Variants in HS6ST3 observed in about 807,000 individuals in gnomAD.
HS6ST3 encodes the protein heparan sulfate 6-O-sulfotransferase 3, also known as heparan-sulfate 6-O-sulfotransferase 3.
Under a neutral mutation model 36.7 loss-of-function variants are expected in HS6ST3, and 12 were observed. The ratio of observed to expected loss-of-function variants is 0.33; its 90% CI spans 0.21 to 0.53. The LOEUF (loss-of-function observed/expected upper bound fraction) is 0.53, where lower values mean the gene tolerates loss of function less well. Ranked by LOEUF, HS6ST3 falls within the 20% of genes least tolerant of loss-of-function variation. HS6ST3 has a pLI of 0.95. For synonymous variants in HS6ST3, 240 were observed against 257.5 expected (o/e 0.93, Z 0.65); for missense variants, 584 against 640.9 (o/e 0.91, Z 0.96).
intron 1 of HS6ST3, among the ~76,000 whole-genome samples, chr13:96,384,132 A>G (rs1357787963): frequency 2.0e-5 from 3 of 152,196 alleles, no homozygotes; most frequent in Admixed American, 1.3e-4. Flanking sequence ...ATATTTGTGG[A>G]AAGGAACCTC....
At chr13:96,470,260 A>G (rs1004821021) in intron 1 of HS6ST3, among the ~76,000 whole-genome samples, 5 of 152,210 alleles carry the variant, frequency 3.3e-5, no homozygotes, top group Admixed American at 2.6e-4. Context: ...CTGGGGATGA[A>G]TAAGTTAGGA....
chr13:96,441,649 G>C (rs2055671942), intron 1 of HS6ST3, among the ~76,000 whole-genome samples: 1 of 152,160 alleles, frequency 6.6e-6, no homozygotes, highest in South Asian at 2.1e-4. Flanking sequence ...TCCTCAGAGA[G>C]ATGTGAGATA....
At chr13:96,353,991 A>G (rs1312935645) in intron 1 of HS6ST3, among the ~76,000 whole-genome samples, 1 of 152,174 alleles carries the variant, frequency 6.6e-6, no homozygotes, top group Non-Finnish European at 1.5e-5. Flanking sequence ...AAAATGAAAT[A>G]TTCCTTGATG....
intron 1 of HS6ST3, among the ~76,000 whole-genome samples, chr13:96,597,667 T>A (rs978816947): frequency 1.2e-4 from 18 of 152,122 alleles, no homozygotes; most frequent in African/African-American, 3.6e-4. Context: ...TTTCTTTTGC[T>A]GTGTTTTTCA....
chr13:96,319,140 G>A (rs992396817), intron 1 of HS6ST3, among the ~76,000 whole-genome samples: 12 of 152,060 alleles, frequency 7.9e-5, no homozygotes, highest in African/African-American at 2.9e-4. Context: ...CTTAGTCCCT[G>A]GCAATCACCA....
chr13:96,624,393 A>T (rs1220284446), intron 1 of HS6ST3, among the ~76,000 whole-genome samples: 2 of 152,218 alleles, frequency 1.3e-5, no homozygotes, highest in South Asian at 4.1e-4. Context: ...TTTTGCCTAG[A>T]TTTGTATTTC....
At chr13:96,435,741 T>A (rs1022872646) in intron 1 of HS6ST3, among the ~76,000 whole-genome samples, 1 of 152,200 alleles carries the variant, frequency 6.6e-6, no homozygotes, top group Non-Finnish European at 1.5e-5. Flanking sequence ...AGTGTGATCT[T>A]TAAACAAGCA....
Position 96,547,541 on chromosome 13 carries a change from T to G in HS6ST3, c.708-284949T>G, listed in dbSNP as rs566504362. Among the ~76,000 whole-genome samples, 112 of 152,314 alleles carry G rather than the reference T, an allele frequency of 7.4e-4. 3 individuals are homozygous for G. The highest frequency in any genetic ancestry group is 6.3e-3 in the Admixed American group (97 of 15,292). On this transcript the variant is annotated intron_variant, in intron 1 of 1. Coordinates refer to ENST00000376705, the MANE Select transcript of HS6ST3 (RefSeq NM_153456.4). ...GTGATAGAATAGCTTTCCCTTAGAT[T>G]AACTTTAGTGGTTTCCTTGTTTAAA...
intron 1 of HS6ST3, among the ~76,000 whole-genome samples, chr13:96,731,964 G>A (rs1313179577): frequency 2.0e-5 from 3 of 152,004 alleles, no homozygotes; most frequent in Admixed American, 1.3e-4. Flanking sequence ...CCTATTTTTA[G>A]TTTTTTGAAA....
intron 1 of HS6ST3, among the ~76,000 whole-genome samples, chr13:96,631,536 T>A (rs990458558): frequency 2.6e-5 from 4 of 152,166 alleles, no homozygotes; most frequent in Admixed American, 1.3e-4. Flanking sequence ...GAAAAATAAA[T>A]CCTTATGACC....
At chr13:96,310,346 G>T (rs2139408778) in intron 1 of HS6ST3, among the ~76,000 whole-genome samples, 1 of 152,242 alleles carries the variant, frequency 6.6e-6, no homozygotes, top group South Asian at 2.1e-4. Flanking sequence ...TGTGTTGTGG[G>T]ACTTAATGCT....
chr13:96,591,393 A>G (rs2056381676), intron 1 of HS6ST3, among the ~76,000 whole-genome samples: 1 of 151,936 alleles, frequency 6.6e-6, no homozygotes, highest in East Asian at 1.9e-4. Context: ...TATAGTTTTC[A>G]TTGAAGAAAT....
intron 1 of HS6ST3, among the ~76,000 whole-genome samples, chr13:96,353,666 T>C (rs1184115660): frequency 6.6e-6 from 1 of 152,006 alleles, no homozygotes; most frequent in Non-Finnish European, 1.5e-5. Flanking sequence ...AATCAAAAGA[T>C]AAATAACAAA....
chr13:96,657,744 A>C (rs2056630730), intron 1 of HS6ST3, among the ~76,000 whole-genome samples: 1 of 152,168 alleles, frequency 6.6e-6, no homozygotes, highest in South Asian at 2.1e-4. Flanking sequence ...GGCAGCAGAC[A>C]TGGAGAAATA....
intron 1 of HS6ST3, among the ~76,000 whole-genome samples, chr13:96,679,098 T>G (rs925710636): frequency 4.0e-5 from 6 of 148,938 alleles, no homozygotes; most frequent in African/African-American, 1.2e-4. Flanking sequence ...CTCTGTTCAC[T>G]GCGTCACCAC....
intron 1 of HS6ST3, among the ~76,000 whole-genome samples, chr13:96,166,691 C>T (rs763937247): frequency 6.6e-6 from 1 of 150,434 alleles, no homozygotes; most frequent in South Asian, 2.1e-4. Flanking sequence ...GGATTATAGG[C>T]GTGAGCCACT....
At chr13:96,317,992 A>G (rs1179326414) in intron 1 of HS6ST3, among the ~76,000 whole-genome samples, 6 of 151,942 alleles carry the variant, frequency 3.9e-5, no homozygotes, top group Non-Finnish European at 8.8e-5. Context: ...ATTTTCTCTC[A>G]TTCTGTAGGG....
chr13:96,740,985 A>G (rs761942502), intron 1 of HS6ST3, among the ~76,000 whole-genome samples: 8 of 152,226 alleles, frequency 5.3e-5, no homozygotes, highest in Non-Finnish European at 1.0e-4. Context: ...TGATACTGCT[A>G]AGCAAAGGCA....
At position 96,091,433 on chromosome 13, in the gene HS6ST3, A is replaced by C. The variant is rs1227802489; in HGVS notation, c.571A>C (p.Lys191Gln). Residue 191 changes from lysine (K) to glutamine (Q), a missense_variant, in exon 1 of 2, where the codon AAG becomes CAG. Lys to Gln is a moderately conservative substitution (Grantham distance 53). Around this residue, in one of 3 missense-constraint regions of HS6ST3, gnomAD observed 360 missense variants for 411.3 expected, o/e 0.88. Coordinates refer to ENST00000376705, the MANE Select transcript of HS6ST3 (RefSeq NM_153456.4). ...GAAGTGCACCTGCCACCGGCCTGGCAAGAAGGAGACGTGGCTCTTCTCCCG... is the reference window on the plus strand; with the variant it reads ...GAAGTGCACCTGCCACCGGCCTGGCCAGAAGGAGACGTGGCTCTTCTCCCG... Reference protein sequence around the residue: ...QKKCTCHRPGKKETWLFSRFS... With the variant: ...QKKCTCHRPGQKETWLFSRFS... The C allele has an allele frequency of 6.2e-7, 1 of 1,612,212 alleles. No individual in the cohort carries two copies. The highest frequency in any genetic ancestry group is 1.7e-5 in the Admixed American group (1 of 59,890).
Sources: allele counts gnomAD v4.1 joint callset (sites outside exome capture counted in the v4.1 genomes callset), GRCh38; gene constraint gnomAD v4.1.1; regional missense constraint gnomAD v4.1.1; transcripts MANE v1.5; gene names NCBI Gene and HGNC (gene_info 2026-07-23, HGNC 2026-07-21).